The following PAIP2B variants were observed in gnomAD, a reference collection of about 807,000 sequenced individuals.
PAIP2B encodes polyadenylate-binding protein-interacting protein 2B.
PAIP2B carries 13 observed loss-of-function variants against 17.0 expected under a neutral mutation model. The observed-to-expected ratio is 0.76, with a 90% CI of 0.50 to 1.22. The LOEUF (loss-of-function observed/expected upper bound fraction) is 1.22, where lower values mean the gene tolerates loss of function less well. Among genes scored for constraint, PAIP2B ranks in the 50% most tolerant of loss-of-function variants. The pLI, the probability that PAIP2B is intolerant of heterozygous loss-of-function variation, is 0.00. For synonymous variants in PAIP2B, 43 were observed against 48.7 expected (o/e 0.88, Z 0.48); for missense variants, 117 against 144.5 (o/e 0.81, Z 0.98).
Position 71,191,510 on chromosome 2 carries a change from G to A in PAIP2B, c.139-1489C>T, listed in dbSNP as rs150428859. 5.9e-4 allele frequency among the ~76,000 whole-genome samples: 90 copies of A among 152,262 alleles called. 1 individual carries two copies. In the East Asian group the frequency reaches 6.7e-3, roughly 11 times the overall value. On this transcript the variant is annotated intron_variant, in intron 2 of 3. Coordinates refer to ENST00000244221, the MANE Select transcript of PAIP2B (RefSeq NM_020459.1). ...GCTACGTGCAATTCACACAGATCCC[G>A]ACAGAGCCACATTAGGTGGAAATTG... is the stretch of plus-strand genomic sequence containing the variant.
intron 2 of PAIP2B, among the ~76,000 whole-genome samples, chr2:71,199,557 A>G (rs989190163): frequency 1.3e-5 from 2 of 150,240 alleles, no homozygotes; most frequent in African/African-American, 2.5e-5. Context: ...TTTCCCCCTT[A>G]ACCCAACTGC....
At chr2:71,224,546 G>T (rs1338693730) in intron 1 of PAIP2B, among the ~76,000 whole-genome samples, 1 of 152,148 alleles carries the variant, frequency 6.6e-6, no homozygotes. Flanking sequence ...AGCACATAAG[G>T]TGTGGAAAAG....
At chr2:71,208,385 C>T (rs1173345781) in intron 1 of PAIP2B, among the ~76,000 whole-genome samples, 7 of 151,692 alleles carry the variant, frequency 4.6e-5, no homozygotes, top group Admixed American at 2.6e-4. Context: ...ATCGCGCCAT[C>T]GCACTCCAGA....
At chr2:71,195,100 C>T (rs991133499) in intron 2 of PAIP2B, among the ~76,000 whole-genome samples, 4 of 152,148 alleles carry the variant, frequency 2.6e-5, no homozygotes, top group Admixed American at 2.6e-4. Context: ...TGTGGATTAG[C>T]TTTTTGATGT....
rs190267518 is a variant in PAIP2B, at chr2:71,198,245, G to A, written c.138+4207C>T. Among the ~76,000 whole-genome samples, 539 of 88,848 alleles carry A rather than the reference G, an allele frequency of 6.1e-3. 13 individuals are homozygous for A. In the East Asian group the frequency reaches 0.4, roughly 66 times the overall value. 58.3% of individuals were successfully genotyped at this position (88,848 alleles called of 152,430 possible). A position where few individuals can be genotyped will look rare whatever the true frequency, so the allele number is the denominator to read the frequency against. On this transcript the variant is annotated intron_variant, in intron 2 of 3. Coordinates refer to ENST00000244221, the MANE Select transcript of PAIP2B (RefSeq NM_020459.1). ...AGAGATTCTCCTGCCTCAGCCTCCC[G>A]AGTAGCTGGGATACAGGTGCCTGCC...
At chr2:71,215,309 G>GA (rs1251331187) in intron 1 of PAIP2B, among the ~76,000 whole-genome samples, 1 of 151,532 alleles carries the variant, frequency 6.6e-6, no homozygotes, top group Admixed American at 6.6e-5. Flanking sequence ...AAAAAAAAAA[G>GA]AAAAAATGCA....
intron 2 of PAIP2B, among the ~76,000 whole-genome samples, chr2:71,199,014 A>G (rs576081459): frequency 3.3e-5 from 5 of 152,330 alleles, no homozygotes; most frequent in African/African-American, 1.2e-4. Context: ...AGAATATTAC[A>G]TAATCAACTT....
At chr2:71,202,259 G>A (rs1251688254) in intron 2 of PAIP2B, among the ~76,000 whole-genome samples, 193 bp downstream of exon 2, 1 of 152,126 alleles carries the variant, frequency 6.6e-6, no homozygotes, top group Non-Finnish European at 1.5e-5. Flanking sequence ...TTCCTCCAAG[G>A]TACTATCACT....
At chr2:71,201,008 G>GGTGT (rs70959217) in intron 2 of PAIP2B, among the ~76,000 whole-genome samples, 40 of 32,370 alleles carry the variant, frequency 1.2e-3, no homozygotes, top group African/African-American at 1.5e-3. Flanking sequence ...TGTGTGTGTG[G>GGTGT]GTGTGTGTGT....
intron 1 of PAIP2B, among the ~76,000 whole-genome samples, chr2:71,205,192 C>T (rs1372759116): frequency 4.6e-5 from 7 of 152,114 alleles, no homozygotes; most frequent in Non-Finnish European, 4.4e-5. Context: ...GAACTTAACG[C>T]AAATACTTCA....
chr2:71,198,443 G>T (rs941247001), intron 2 of PAIP2B, among the ~76,000 whole-genome samples: 2 of 151,910 alleles, frequency 1.3e-5, no homozygotes, highest in African/African-American at 4.8e-5. Context: ...CCGCTACCAC[G>T]CCCGGCTAAT....
chr2:71,211,056 G>C (rs933265840), intron 1 of PAIP2B, among the ~76,000 whole-genome samples: 1 of 152,136 alleles, frequency 6.6e-6, no homozygotes. Context: ...AGACCAGCCT[G>C]GCCAACATGG....
rs1185739614 is a variant in PAIP2B at position 71,226,968 on chromosome 2, C to T, written c.-52G>A. Reference sequence around the variant, plus strand: ...GCCCCTCCTTCAGATCGTACTCTGCCACTCCTCCGAGAGCTTAAGCCGTTG... The same window carrying T: ...GCCCCTCCTTCAGATCGTACTCTGCTACTCCTCCGAGAGCTTAAGCCGTTG... On this transcript the variant is annotated 5_prime_UTR_variant, in exon 1 of 4. Coordinates refer to ENST00000244221, the MANE Select transcript of PAIP2B (RefSeq NM_020459.1). 2 of 153,094 alleles carry T rather than the reference C, an allele frequency of 1.3e-5. No individual in the cohort carries two copies. The highest frequency in any genetic ancestry group is 2.9e-5 in the Non-Finnish European group (2 of 68,124). 9.5% of individuals were successfully genotyped at this position (153,094 alleles called of 1,614,324 possible). A position where few individuals can be genotyped will look rare whatever the true frequency, so the allele number is the denominator to read the frequency against.
At chr2:71,208,377 C>T (rs146960854) in intron 1 of PAIP2B, among the ~76,000 whole-genome samples, 2 of 151,868 alleles carry the variant, frequency 1.3e-5, no homozygotes, top group African/African-American at 2.4e-5. Context: ...GAGCTGAGAT[C>T]GCGCCATCGC....
intron 2 of PAIP2B, among the ~76,000 whole-genome samples, chr2:71,196,751 C>A (rs1674830991): frequency 6.6e-6 from 1 of 152,084 alleles, no homozygotes; most frequent in Admixed American, 6.5e-5. Context: ...GAATTGAACC[C>A]TTTACCATTA....
intron 1 of PAIP2B, among the ~76,000 whole-genome samples, chr2:71,214,250 C>T (rs1447365712): frequency 1.3e-5 from 2 of 152,132 alleles, no homozygotes; most frequent in African/African-American, 4.8e-5. Context: ...AGTGACTACC[C>T]CATACTCACA....
chr2:71,212,926 T>C (rs1465499378), intron 1 of PAIP2B, among the ~76,000 whole-genome samples: 2 of 145,270 alleles, frequency 1.4e-5, no homozygotes, highest in Non-Finnish European at 3.0e-5. Context: ...GCTAAATTTT[T>C]TTTTTTTTTA....
At position 71,184,065 on chromosome 2, in the gene PAIP2B, T is replaced by C. The variant is rs1344756655; in HGVS notation, c.*4414A>G. On this transcript the variant is annotated 3_prime_UTR_variant, in exon 4 of 4. Coordinates refer to ENST00000244221, the MANE Select transcript of PAIP2B (RefSeq NM_020459.1). ...TACAGAGTGAAATATTTTACTGTTT[T>C]GTAGTAAGCACATTTTAGTAACTGT... 5 of 152,246 alleles carry C rather than the reference T, an allele frequency of 3.3e-5. No homozygotes were observed. Among genetic ancestry groups the C allele is most frequent in the Non-Finnish European group, 7.3e-5 (5 of 68,042 alleles). The allele number at this position is 152,246 out of a possible 1,614,324, so 9.4% of individuals were successfully genotyped here.
At position 71,182,922 on chromosome 2, in the gene PAIP2B, A is replaced by C. The variant is rs1238569691; in HGVS notation, c.*5557T>G. 1 of 25,604 alleles carries C rather than the reference A, an allele frequency of 3.9e-5. No homozygotes were observed. Among genetic ancestry groups the C allele is most frequent in the Non-Finnish European group, 7.7e-5 (1 of 13,046 alleles). The allele number at this position is 25,604 out of a possible 1,614,324, so 1.6% of individuals were successfully genotyped here. A position where few individuals can be genotyped will look rare whatever the true frequency, so the allele number is the denominator to read the frequency against. On this transcript the variant is annotated 3_prime_UTR_variant, in exon 4 of 4. Transcript: ENST00000244221. The stretch of plus-strand genomic sequence containing the variant: ...AAGTAATGATTAGGGGAAAAAAAGC[A>C]AAAACAGCTTTATAAACACTTGTGA...
Sources: gnomAD v4.1 joint callset for allele counts (sites outside exome capture counted in the v4.1 genomes callset) on GRCh38, gnomAD v4.1.1 for gene constraint, MANE v1.5 for transcripts, NCBI Gene and HGNC (gene_info 2026-07-23, HGNC 2026-07-21) for gene names.